RANBP2: variants seen among roughly 807,000 people sequenced by gnomAD.
RANBP2 encodes the protein E3 SUMO-protein ligase RanBP2.
RANBP2 carries 57 observed loss-of-function variants against 303.6 expected under a neutral mutation model. The ratio of observed to expected loss-of-function variants is 0.19; its 90% CI spans 0.15 to 0.23. RANBP2 has a LOEUF of 0.23. Ranked by LOEUF, RANBP2 falls within the 10% of genes least tolerant of loss-of-function variation. The probability of loss-of-function intolerance (pLI) is 1.00; values close to 1 mark genes in which losing one functional copy is unlikely to be tolerated. For missense variants in RANBP2, 3,138 were observed against 3,780.8 expected (o/e 0.83, Z 4.46); for synonymous variants, 1,167 against 1,301.5 (o/e 0.90, Z 2.23).
the RANBP2 span, among the ~76,000 whole-genome samples, chr2:109,150,766 T>A: frequency 6.6e-6 from 1 of 151,976 alleles, no homozygotes; most frequent in Non-Finnish European, 1.5e-5. Context: ...TCTGTTCTGA[T>A]CTCCTCAAAT....
the RANBP2 span, among the ~76,000 whole-genome samples, chr2:109,101,524 T>C: frequency 6.6e-6 from 1 of 151,586 alleles, no homozygotes; most frequent in African/African-American, 2.4e-5. Context: ...CGAGACTCTG[T>C]CTCAAAAAAA....
At chr2:108,897,029 G>T in the RANBP2 span, 3 of 1,614,070 alleles carry the variant, frequency 1.9e-6, no homozygotes, top group South Asian at 3.3e-5. Flanking sequence ...AGTAGCTCAG[G>T]GATGCTGTAG....
chr2:109,046,002 T>G, the RANBP2 span, among the ~76,000 whole-genome samples: 1 of 152,012 alleles, frequency 6.6e-6, no homozygotes, highest in Admixed American at 6.5e-5. Flanking sequence ...GTATATTAAT[T>G]TATATTTTAA....
At chr2:109,748,647 C>T in the RANBP2 span, among the ~76,000 whole-genome samples, 9 of 138,128 alleles carry the variant, frequency 6.5e-5, no homozygotes, top group East Asian at 2.2e-4. Context: ...CCGAGGCGGG[C>T]GGATTACCTG....
the RANBP2 span, chr2:109,544,498 T>G: frequency 3.0e-6 from 3 of 985,234 alleles, no homozygotes; most frequent in Non-Finnish European, 3.6e-6. Flanking sequence ...TCTAGAGAGC[T>G]CTCAAAAAAT....
the RANBP2 span, among the ~76,000 whole-genome samples, chr2:109,350,979 T>G: frequency 6.6e-6 from 1 of 152,246 alleles, no homozygotes; most frequent in African/African-American, 2.4e-5. Flanking sequence ...ATTTTTACCT[T>G]TGGTGTTTGC....
chr2:109,120,341 C>T, the RANBP2 span, among the ~76,000 whole-genome samples: 16 of 152,188 alleles, frequency 1.1e-4, no homozygotes, highest in African/African-American at 3.6e-4. Flanking sequence ...GGGGTCAACC[C>T]CTCCCCTCAG....
chr2:109,248,678 A>AAAT, the RANBP2 span, among the ~76,000 whole-genome samples: 4 of 152,198 alleles, frequency 2.6e-5, no homozygotes, highest in African/African-American at 9.6e-5. Context: ...GAAGAGAAAA[A>AAAT]TGAAGTACTG....
chr2:109,046,879 A>G, the RANBP2 span, among the ~76,000 whole-genome samples: 3 of 151,830 alleles, frequency 2.0e-5, no homozygotes, highest in African/African-American at 7.3e-5. Flanking sequence ...GGGAGCAGGA[A>G]AAGTAAGGCA....
chr2:108,937,663 T>C, the RANBP2 span, among the ~76,000 whole-genome samples: 3 of 151,880 alleles, frequency 2.0e-5, no homozygotes, highest in Admixed American at 2.0e-4. Context: ...TGTATGTTTA[T>C]ATGTGTGAGT....
the RANBP2 span, among the ~76,000 whole-genome samples, chr2:109,300,514 G>T: frequency 6.6e-6 from 1 of 152,086 alleles, no homozygotes; most frequent in Non-Finnish European, 1.5e-5. Flanking sequence ...AAGCCCTTGA[G>T]TGAGGAAAAG....
chr2:109,682,303 T>C, the RANBP2 span, among the ~76,000 whole-genome samples: 34 of 152,222 alleles, frequency 2.2e-4, no homozygotes, highest in African/African-American at 7.2e-4. Flanking sequence ...TGTTTTAGTA[T>C]AAGTATTTCC....
the RANBP2 span, among the ~76,000 whole-genome samples, chr2:109,551,210 C>G: frequency 6.6e-6 from 1 of 152,184 alleles, no homozygotes; most frequent in East Asian, 1.9e-4. Context: ...AAGCACACAT[C>G]ATTTTACAAA....
At chr2:108,846,868 A>C in the RANBP2 span, 2 of 1,613,852 alleles carry the variant, frequency 1.2e-6, no homozygotes, top group Non-Finnish European at 8.5e-7. Context: ...GCTTTCTTTA[A>C]GAGCTCCAAT....
chr2:108,778,229 C>CA (rs1678016113), intron 25 of RANBP2, among the ~76,000 whole-genome samples: 1 of 152,204 alleles, frequency 6.6e-6, no homozygotes, highest in African/African-American at 2.4e-5. Context: ...AGGCAGTACT[C>CA]ACATATCGGG....
At chr2:109,385,394 G>A in the RANBP2 span, among the ~76,000 whole-genome samples, 2 of 152,238 alleles carry the variant, frequency 1.3e-5, no homozygotes, top group Admixed American at 6.5e-5. Flanking sequence ...GCAGAGAGCA[G>A]GAAGAAGCCC....
intron 12 of RANBP2, 109 bp downstream of exon 12, chr2:108,752,103 T>G: frequency 6.3e-7 from 1 of 1,577,830 alleles, no homozygotes; most frequent in Middle Eastern, 2.4e-4. Context: ...TTGGTCACAT[T>G]ATGACAGATG....
the RANBP2 span, among the ~76,000 whole-genome samples, chr2:109,690,632 A>G: frequency 1.3e-5 from 2 of 152,174 alleles, no homozygotes; most frequent in East Asian, 1.9e-4. Flanking sequence ...GGAATCCCAG[A>G]GTCCCTTGAG....
chr2:108,731,426 A>G lies in RANBP2; in HGVS notation c.357A>G (p.Glu119=). 6.2e-7 allele frequency: 1 copy of G among 1,611,592 alleles called. No homozygotes were observed. The highest frequency in any genetic ancestry group is 8.5e-7 in the Non-Finnish European group (1 of 1,179,596). The change falls in exon 4 of 29, where the codon GAA becomes GAG. Residue 119 remains glutamate, a synonymous_variant. Coordinates refer to ENST00000283195, the MANE Select transcript of RANBP2 (RefSeq NM_006267.5). The part of the protein sequence containing the change: ...VTDGRAKYWL[E]RAAKLFPGSP... Reference sequence around the variant, plus strand: ...ATGGAAGAGCAAAATACTGGCTTGAAAGAGCAGCCAAACTTTTCCCAGGAA... The same window carrying G: ...ATGGAAGAGCAAAATACTGGCTTGAGAGAGCAGCCAAACTTTTCCCAGGAA...
Sources: allele counts gnomAD v4.1 joint callset (sites outside exome capture counted in the v4.1 genomes callset), GRCh38; gene constraint gnomAD v4.1.1; transcripts MANE v1.5; gene names NCBI Gene and HGNC (gene_info 2026-07-23, HGNC 2026-07-21).